PCDHGB3: variants seen among roughly 807,000 people sequenced by gnomAD.
The protein encoded by PCDHGB3 is protocadherin gamma-B3.
A neutral mutation model predicts 59.2 loss-of-function variants in PCDHGB3; 40 were observed. The observed-to-expected ratio is 0.68, with a 90% CI of 0.52 to 0.88. The LOEUF is 0.88. Among genes scored for constraint, PCDHGB3 ranks in the 40% least tolerant of loss-of-function variants. The probability of loss-of-function intolerance (pLI) is 0.00; values close to 1 mark genes in which losing one functional copy is unlikely to be tolerated. For synonymous variants in PCDHGB3, 581 were observed against 503.6 expected (o/e 1.15, Z -2.06); for missense variants, 1,309 against 1,187.9 (o/e 1.10, Z -1.50).
chr5:141,487,377 C>G lies in PCDHGB3; in HGVS notation c.2416-7430C>G, dbSNP rs758216933. On this transcript the variant is annotated intron_variant, in intron 1 of 3. Coordinates refer to ENST00000576222, the MANE Select transcript of PCDHGB3 (RefSeq NM_018924.5). This position sits in a 1 kb window ranked among gnomAD's most constrained non-coding sequence, Gnocchi z 5.0. ...CCTGCTGGCACCTGTGCCTGTCTCA[C>G]CAGATCTCGAAGGAGGGAGGGGCTT... 6.2e-7 allele frequency: 1 copy of G among 1,614,190 alleles called. No individual in the cohort carries two copies. The highest frequency in any genetic ancestry group is 1.1e-5 in the South Asian group (1 of 91,086).
At chr5:141,389,823 G>C in intron 1 of PCDHGB3, 11 of 1,613,944 alleles carry the variant, frequency 6.8e-6, no homozygotes, top group Non-Finnish European at 6.8e-6. Flanking sequence ...CGTGCGTGAC[G>C]GTGGACAGCC....
intron 1 of PCDHGB3, among the ~76,000 whole-genome samples, chr5:141,463,527 G>C (rs12109431): frequency 1.5e-5 from 2 of 131,102 alleles, no homozygotes; most frequent in Non-Finnish European, 3.1e-5. Context: ...CGGCTTACTA[G>C]AAACTCCGGC....
At chr5:141,412,917 G>C (rs918712966) in intron 1 of PCDHGB3, 2 of 410,214 alleles carry the variant, frequency 4.9e-6, no homozygotes, top group African/African-American at 2.1e-5. Context: ...GTATCACTTG[G>C]GTGCAGTAAC....
intron 1 of PCDHGB3, chr5:141,423,302 T>G (rs1221185261): frequency 6.2e-7 from 1 of 1,614,144 alleles, no homozygotes. Context: ...GACCTCTCGC[T>G]GTACTTGGTG....
intron 1 of PCDHGB3, chr5:141,421,623 C>T: frequency 6.2e-7 from 1 of 1,613,810 alleles, no homozygotes. Flanking sequence ...ATAACGCCCC[C>T]AGCTTCCAGG....
chr5:141,452,748 A>G (rs2098748275), intron 1 of PCDHGB3, among the ~76,000 whole-genome samples: 1 of 152,058 alleles, frequency 6.6e-6, no homozygotes, highest in Admixed American at 6.6e-5. Flanking sequence ...GAGAGAAGGA[A>G]GAAGGAAGGG....
chr5:141,428,057 G>C (rs766786963), intron 1 of PCDHGB3: 2 of 1,609,044 alleles, frequency 1.2e-6, no homozygotes, highest in East Asian at 2.2e-5. Flanking sequence ...AGGTGGTGGC[G>C]GTGGACGCAG....
At chr5:141,499,835 C>T (rs931946377) in intron 2 of PCDHGB3, among the ~76,000 whole-genome samples, 2 of 151,916 alleles carry the variant, frequency 1.3e-5, no homozygotes, top group Admixed American at 6.6e-5. Flanking sequence ...TACAGGTGTG[C>T]ACCACCACAC....
In PCDHGB3 at chr5:141,370,986, G is replaced by A; in HGVS notation, c.592G>A (p.Ala198Thr). Residue 198 changes from alanine (A) to threonine (T), a missense_variant, in exon 1 of 4, where the codon GCA becomes ACA. Coordinates refer to ENST00000576222, the MANE Select transcript of PCDHGB3 (RefSeq NM_018924.5). ...GSRYPELVLK[A>T]PLDREEQPHH... Reference sequence around the variant, plus strand: ...TAGGTACCCAGAGCTAGTACTGAAAGCACCCCTGGACAGGGAAGAGCAGCC... The same window carrying A: ...TAGGTACCCAGAGCTAGTACTGAAAACACCCCTGGACAGGGAAGAGCAGCC... 1.2e-6 allele frequency: 2 copies of A among 1,613,992 alleles called. No individual in the cohort carries two copies. The highest frequency in any genetic ancestry group is 1.7e-6 in the Non-Finnish European group (2 of 1,179,898).
At position 141,388,141 on chromosome 5, in the gene PCDHGB3, T is replaced by C. The variant is rs1239201119; in HGVS notation, c.2415+15332T>C. On this transcript the variant is annotated intron_variant, in intron 1 of 3. Transcript: ENST00000576222. ...AGCGCAGAGAGCGGGGAGTTGCTTG[T>C]GAGCAGCAGGCTAGACAGGGAGGAG... 6.9e-7 allele frequency: 1 copy of C among 1,456,446 alleles called. No individual in the cohort carries two copies. The highest frequency in any genetic ancestry group is 2.3e-4 in the Middle Eastern group (1 of 4,348). The allele number at this position is 1,456,446 out of a possible 1,614,324, so 90.2% of individuals were successfully genotyped here. A position where few individuals can be genotyped will look rare whatever the true frequency, so the allele number is the denominator to read the frequency against.
At chr5:141,407,336 G>C (rs1005803062) in intron 1 of PCDHGB3, among the ~76,000 whole-genome samples, 1 of 152,124 alleles carries the variant, frequency 6.6e-6, no homozygotes, top group South Asian at 2.1e-4. Context: ...ATATTGAAAT[G>C]TATGTTAATT....
At chr5:141,419,922 T>C (rs761868361) in intron 1 of PCDHGB3, 1 of 1,614,090 alleles carries the variant, frequency 6.2e-7, no homozygotes, top group South Asian at 1.1e-5. Flanking sequence ...CAGGCTGAGA[T>C]GCAGTTTTAC....
Position 141,390,370 on chromosome 5 carries a change from A to T in PCDHGB3, c.2415+17561A>T, listed in dbSNP as rs1252386186. On this transcript the variant is annotated intron_variant, in intron 1 of 3. Coordinates refer to ENST00000576222, the MANE Select transcript of PCDHGB3 (RefSeq NM_018924.5). ...AATATACATATTTGCAGGAAAATAT[A>T]TAATTTTTAGATGTCATGGATCATT... 4 of 1,504,066 alleles carry T rather than the reference A, an allele frequency of 2.7e-6. No individual in the cohort carries two copies. In the African/African-American group the frequency reaches 4.2e-5, roughly 16 times the overall value. The allele number at this position is 1,504,066 out of a possible 1,614,324, so 93.2% of individuals were successfully genotyped here. A position where few individuals can be genotyped will look rare whatever the true frequency, so the allele number is the denominator to read the frequency against.
intron 1 of PCDHGB3, chr5:141,392,785 T>C: frequency 1.3e-6 from 2 of 1,549,118 alleles, no homozygotes; most frequent in Non-Finnish European, 1.7e-6. Flanking sequence ...ACAGTGAAGA[T>C]TCTGAGAGGA....
At chr5:141,452,193 GT>G (rs1375451557) in intron 1 of PCDHGB3, among the ~76,000 whole-genome samples, 1 of 151,990 alleles carries the variant, frequency 6.6e-6, no homozygotes, top group Non-Finnish European at 1.5e-5. Context: ...ACCTCAAATT[GT>G]TTTAGATGTT....
At chr5:141,497,745 G>C (rs1475395529) in intron 2 of PCDHGB3, among the ~76,000 whole-genome samples, 1 of 152,070 alleles carries the variant, frequency 6.6e-6, no homozygotes, top group Non-Finnish European at 1.5e-5. Flanking sequence ...CGCCACGTTG[G>C]CCAGGCTGGT....
rs1221295650 is a variant in PCDHGB3 at position 141,489,576 on chromosome 5, C to A, written c.2416-5231C>A. 3 of 1,613,936 alleles carry A rather than the reference C, an allele frequency of 1.9e-6. No individual in the cohort carries two copies. Among genetic ancestry groups the A allele is most frequent in the Non-Finnish European group, 2.5e-6 (3 of 1,179,984 alleles). ...TGCCAGTGCAGGTGGTGACTGAACA[C>A]CCCCTGGAGCTAATCCGTGTAGAGG... On this transcript the variant is annotated intron_variant, in intron 1 of 3. Transcript: ENST00000576222. This position sits in a 1 kb window ranked among gnomAD's most constrained non-coding sequence, Gnocchi z 4.5.
At chr5:141,401,058 T>A (rs967099811) in intron 1 of PCDHGB3, among the ~76,000 whole-genome samples, 1 of 152,236 alleles carries the variant, frequency 6.6e-6, no homozygotes, top group African/African-American at 2.4e-5. Flanking sequence ...AAATACTATA[T>A]GTTGGCTGGG....
intron 2 of PCDHGB3, among the ~76,000 whole-genome samples, chr5:141,500,877 A>AT (rs369345007): frequency 0.053 from 6,532 of 122,188 alleles, 326 homozygotes; most frequent in Admixed American, 0.19. Context: ...TTCATTTACA[A>AT]TTTTTTTTTT....
Sources: allele counts gnomAD v4.1 joint callset (sites outside exome capture counted in the v4.1 genomes callset), GRCh38; gene constraint gnomAD v4.1.1; non-coding constraint Gnocchi (gnomAD v3.1); transcripts MANE v1.5; gene names NCBI Gene and HGNC (gene_info 2026-07-23, HGNC 2026-07-21).